The following SIGLEC5 variants were observed in gnomAD, a reference collection of about 807,000 sequenced individuals.
SIGLEC5 encodes the protein sialic acid binding Ig like lectin 5.
Under a neutral mutation model 45.9 loss-of-function variants are expected in SIGLEC5, and 34 were observed. That is an observed-to-expected ratio of 0.74 (90% CI 0.56 to 0.99). The LOEUF (loss-of-function observed/expected upper bound fraction) is 0.99. Among genes scored for constraint, SIGLEC5 ranks in the 50% least tolerant of loss-of-function variants. The probability of loss-of-function intolerance (pLI) is 0.00; values close to 1 mark genes in which losing one functional copy is unlikely to be tolerated. For missense variants in SIGLEC5, 508 were observed against 629.6 expected, an observed-to-expected ratio of 0.81 and a Z score of 2.07; for synonymous variants, 203 against 258.6, an observed-to-expected ratio of 0.79 and a Z score of 2.06.
At chr19:51,624,884 A>G (rs1051716084) in intron 8 of SIGLEC5, among the ~76,000 whole-genome samples, 2 of 152,138 alleles carry the variant, frequency 1.3e-5, no homozygotes, top group East Asian at 1.9e-4. Context: ...GAATTGCTTG[A>G]GCCTGGGAGG....
chr19:51,614,240 C>CTCAA (rs1193112248), intron 8 of SIGLEC5, among the ~76,000 whole-genome samples: 1 of 152,180 alleles, frequency 6.6e-6, no homozygotes, highest in Non-Finnish European at 1.5e-5. Context: ...CCGTCCCTGG[C>CTCAA]TCAAGCAATC....
chr19:51,613,532 G>A (rs996163210), intron 8 of SIGLEC5, among the ~76,000 whole-genome samples: 2 of 151,920 alleles, frequency 1.3e-5, no homozygotes, highest in Non-Finnish European at 2.9e-5. Flanking sequence ...GGGCAGACAG[G>A]GCTGGGTTCA....
At chr19:51,617,111 C>T (rs1045765078) in intron 8 of SIGLEC5, among the ~76,000 whole-genome samples, 4 of 151,508 alleles carry the variant, frequency 2.6e-5, no homozygotes, top group African/African-American at 9.7e-5. Flanking sequence ...AAAAATTAGC[C>T]GGGCATGGTG....
At position 51,611,078 on chromosome 19, in the gene SIGLEC5, GGGT is replaced by G. The variant is rs1250570448; in HGVS notation, c.*1150_*1152del. ...CTTTACAGTGATGAAAATGAAGTTT[GGGT>G]GGTAGATATTGAGAATCAATGTCCT... On this transcript the variant is annotated 3_prime_UTR_variant, in exon 9 of 9. Coordinates refer to ENST00000683636, the MANE Select transcript of SIGLEC5 (RefSeq NM_003830.4). 6.6e-6 allele frequency among the ~76,000 whole-genome samples: 1 copy of G among 152,158 alleles called. No individual in the cohort carries two copies. Among genetic ancestry groups the G allele is most frequent in the Non-Finnish European group, 1.5e-5 (1 of 68,036 alleles).
At chr19:51,623,278 G>T (rs1983359894) in intron 8 of SIGLEC5, among the ~76,000 whole-genome samples, 1 of 151,772 alleles carries the variant, frequency 6.6e-6, no homozygotes, top group East Asian at 1.9e-4. Flanking sequence ...GATCCAAAAG[G>T]TACTCAATAG....
rs1982855271 is a variant in SIGLEC5, at chr19:51,611,654, A to G, written c.*577T>C. On this transcript the variant is annotated 3_prime_UTR_variant, in exon 9 of 9. Transcript: ENST00000683636. ...AATGAAGGACTGGAGCCAAAGGAAT[A>G]TGATGCAAGGATTGCAGGTAAAAGT... 6.6e-6 allele frequency among the ~76,000 whole-genome samples: 1 copy of G among 152,232 alleles called. No individual in the cohort carries two copies. The highest frequency in any genetic ancestry group is 2.1e-4 in the South Asian group (1 of 4,836).
chr19:51,617,688 T>TG (rs1568588888), intron 8 of SIGLEC5, among the ~76,000 whole-genome samples: 1 of 151,880 alleles, frequency 6.6e-6, no homozygotes, highest in Admixed American at 6.6e-5. Context: ...GAAAACCCAC[T>TG]GGGGGGAAGA....
At chr19:51,616,351 C>T (rs1983052391) in intron 8 of SIGLEC5, among the ~76,000 whole-genome samples, 1 of 152,158 alleles carries the variant, frequency 6.6e-6, no homozygotes, top group Non-Finnish European at 1.5e-5. Flanking sequence ...GCATAAGAAA[C>T]TTTGTCAATA....
At chr19:51,612,475 G>T in intron 8 of SIGLEC5, 53 bp from the exon 9 acceptor site, 2 of 1,270,174 alleles carry the variant, frequency 1.6e-6, no homozygotes, top group East Asian at 2.4e-5. Flanking sequence ...GGCAGGTGTA[G>T]AATAATGAGT....
chr19:51,620,058 A>AAT (rs146205373), intron 8 of SIGLEC5, among the ~76,000 whole-genome samples: 52,216 of 148,906 alleles, frequency 0.35, 9,840 homozygotes, highest in African/African-American at 0.49. Context: ...CTTTTGTCAA[A>AAT]ATATATATAT....
intron 8 of SIGLEC5, among the ~76,000 whole-genome samples, chr19:51,616,765 GCCAGGC>G: frequency 6.6e-6 from 1 of 152,026 alleles, no homozygotes; most frequent in East Asian, 1.9e-4. Flanking sequence ...ACAAAAATTA[GCCAGGC>G]GTGATGATGT....
intron 8 of SIGLEC5, among the ~76,000 whole-genome samples, chr19:51,612,818 G>A (rs977373861): frequency 1.8e-4 from 28 of 152,170 alleles, no homozygotes; most frequent in Non-Finnish European, 8.8e-5. Context: ...AACTCCCTGT[G>A]GGAAGCCTGC....
At chr19:51,620,607 G>C (rs756719077) in intron 8 of SIGLEC5, among the ~76,000 whole-genome samples, 1 of 152,156 alleles carries the variant, frequency 6.6e-6, no homozygotes, top group Non-Finnish European at 1.5e-5. Context: ...CCTGATGAAA[G>C]TTCACAGAAC....
chr19:51,613,478 C>T lies in SIGLEC5; in HGVS notation c.1465-1056G>A, dbSNP rs1982933906. Among the ~76,000 whole-genome samples, 4 of 152,204 alleles carry T rather than the reference C, an allele frequency of 2.6e-5. No homozygotes were observed. In the South Asian group the frequency reaches 8.3e-4, roughly 32 times the overall value. On this transcript the variant is annotated intron_variant, in intron 8 of 8. Coordinates refer to ENST00000683636, the MANE Select transcript of SIGLEC5 (RefSeq NM_003830.4). ...GGCCATAGGCTGCCTAGGTCAGGGT[C>T]TATGTCTGATTTCTCACACTGTACG...
At position 51,628,090 on chromosome 19, in the gene SIGLEC5, G is replaced by C. The variant is rs376490830; in HGVS notation, c.741C>G (p.Ala247=). Residue 247 remains alanine, a splice_region_variant and synonymous_variant, in exon 5 of 9, where the codon GCC becomes GCG. Transcript: ENST00000683636. Reference sequence around the variant, plus strand: ...ATGAGGTGTTTTGCAGGATCTCTAGGGCTTTGGGGAGAGAAGGGTGGGGAA... The same window carrying C: ...ATGAGGTGTTTTGCAGGATCTCTAGCGCTTTGGGGAGAGAAGGGTGGGGAA... ...QTITIFRNGI[A]LEILQNTSYL... 1 of 1,519,886 alleles carries C rather than the reference G, an allele frequency of 6.6e-7. No individual in the cohort carries two copies. The highest frequency in any genetic ancestry group is 8.8e-7 in the Non-Finnish European group (1 of 1,133,242). 94.1% of individuals were successfully genotyped at this position (1,519,886 alleles called of 1,614,324 possible).
Position 51,612,344 on chromosome 19 carries a change from G to C in SIGLEC5, c.1543C>G (p.Gln515Glu). The C allele has an allele frequency of 6.2e-7, 1 of 1,613,516 alleles. No homozygotes were observed. The highest frequency in any genetic ancestry group is 8.5e-7 in the Non-Finnish European group (1 of 1,179,808). The stretch of plus-strand genomic sequence containing the variant: ...AGGGAGGCATAATGGAGCTCCTTTT[G>C]TTCTTCCAAGGGAGGGGCATCCCCA... ...PPGDAPPLEE[Q>E]KELHYASLSF... Residue 515 changes from glutamine (Q) to glutamate (E), a missense_variant, in exon 9 of 9, where the codon CAA becomes GAA. Gln to Glu is a conservative substitution (Grantham distance 29). Around this residue, in one of 2 missense-constraint regions of SIGLEC5, gnomAD observed 431 missense variants for 428.8 expected, o/e 1.01. Transcript: ENST00000683636.
chr19:51,612,020 C>T lies in SIGLEC5; in HGVS notation c.*211G>A. 1 of 376,942 alleles carries T rather than the reference C, an allele frequency of 2.7e-6. No individual in the cohort carries two copies. The highest frequency in any genetic ancestry group is 4.7e-6 in the Non-Finnish European group (1 of 210,780). 23.3% of individuals were successfully genotyped at this position (376,942 alleles called of 1,614,324 possible). On this transcript the variant is annotated 3_prime_UTR_variant, in exon 9 of 9. Transcript: ENST00000683636. ...TGATTTACAGAATGGGAAACTGAGG[C>T]ACAGAGGGATGCAGTGAATTGCTTG...
intron 8 of SIGLEC5, among the ~76,000 whole-genome samples, chr19:51,622,250 G>A (rs1198591310): frequency 1.3e-5 from 2 of 151,692 alleles, no homozygotes; most frequent in Admixed American, 6.6e-5. Context: ...TCCTGCCTCA[G>A]CCTCCCGAGT....
chr19:51,625,988 T>C, intron 8 of SIGLEC5, 44 bp downstream of exon 8: 6 of 1,536,424 alleles, frequency 3.9e-6, no homozygotes, highest in Non-Finnish European at 4.5e-6. Context: ...CAGCCTGGAC[T>C]TTCCGAGTGG....
Sources: allele counts gnomAD v4.1 joint callset (sites outside exome capture counted in the v4.1 genomes callset), GRCh38; gene constraint gnomAD v4.1.1; regional missense constraint gnomAD v4.1.1; transcripts MANE v1.5; gene names NCBI Gene and HGNC (gene_info 2026-07-23, HGNC 2026-07-21).